Variants in PDZRN3 observed in about 807,000 individuals in gnomAD.
The protein encoded by PDZRN3 is PDZ domain containing ring finger 3.
Under a neutral mutation model 85.7 loss-of-function variants are expected in PDZRN3, and 38 were observed. The observed-to-expected ratio is 0.44, with a 90% CI of 0.34 to 0.58. The LOEUF is 0.58. PDZRN3 is among the 20% of genes least tolerant of loss of function. The probability of loss-of-function intolerance (pLI) is 0.01; values close to 1 mark genes in which losing one functional copy is unlikely to be tolerated. For missense variants in PDZRN3, 1,629 were observed against 1,506.4 expected (o/e 1.08, Z -1.35); for synonymous variants, 759 against 638.0 (o/e 1.19, Z -2.86).
chr3:73,525,602 G>A (rs1016128605), intron 3 of PDZRN3, among the ~76,000 whole-genome samples: 2 of 152,198 alleles, frequency 1.3e-5, no homozygotes, highest in Non-Finnish European at 2.9e-5. Flanking sequence ...TTGGGAATAC[G>A]TTTTAAGCTC....
At chr3:73,421,272 C>T (rs775093109) in intron 3 of PDZRN3, among the ~76,000 whole-genome samples, 2 of 152,156 alleles carry the variant, frequency 1.3e-5, no homozygotes, top group African/African-American at 4.8e-5. Context: ...GCTCATATTC[C>T]TGAGCTTCAG....
At chr3:73,561,359 G>T (rs1701810706) in intron 3 of PDZRN3, 1 of 152,178 alleles carries the variant, frequency 6.6e-6, no homozygotes, top group African/African-American at 2.4e-5. Context: ...TGTGACCAGG[G>T]CAAGCTGCAT....
At chr3:73,491,727 C>G (rs894501491) in intron 3 of PDZRN3, among the ~76,000 whole-genome samples, 1 of 151,782 alleles carries the variant, frequency 6.6e-6, no homozygotes, top group African/African-American at 2.4e-5. Flanking sequence ...TACAGAGTAG[C>G]TGAGACTACA....
intron 7 of PDZRN3, 120 bp downstream of exon 7, chr3:73,389,696 G>A (rs567781394): frequency 4.1e-6 from 3 of 740,036 alleles, no homozygotes; most frequent in African/African-American, 1.7e-5. Flanking sequence ...CTACACATCT[G>A]CGTTTGTGAT....
chr3:73,404,959 G>T (rs1701824601), intron 3 of PDZRN3, among the ~76,000 whole-genome samples: 2 of 152,224 alleles, frequency 1.3e-5, no homozygotes, highest in Admixed American at 1.3e-4. Flanking sequence ...CAGCGTTTGG[G>T]GGAAGTGACC....
intron 3 of PDZRN3, among the ~76,000 whole-genome samples, chr3:73,587,017 T>C (rs1012342568): frequency 6.6e-6 from 1 of 152,242 alleles, no homozygotes; most frequent in Non-Finnish European, 1.5e-5. Context: ...CCATTGTTTT[T>C]GCAACAGGTT....
chr3:73,605,983 G>A (rs561342390), intron 2 of PDZRN3, among the ~76,000 whole-genome samples: 3 of 152,356 alleles, frequency 2.0e-5, no homozygotes, highest in Admixed American at 2.0e-4. Flanking sequence ...GGGAAGAACT[G>A]TATTCCAGTG....
intron 2 of PDZRN3, among the ~76,000 whole-genome samples, chr3:73,604,962 T>C (rs1337706836): frequency 1.3e-5 from 2 of 152,298 alleles, no homozygotes; most frequent in African/African-American, 4.8e-5. Context: ...AGCTCACACC[T>C]GCAATCCCAG....
intron 3 of PDZRN3, among the ~76,000 whole-genome samples, chr3:73,442,698 T>TA (rs980791010): frequency 0.033 from 3 of 90 alleles, no homozygotes; most frequent in African/African-American, 0.065. Context: ...AATGTGTGGA[T>TA]TTTTTTTTTT....
At chr3:73,542,520 T>C (rs1701301824) in intron 3 of PDZRN3, among the ~76,000 whole-genome samples, 2 of 152,284 alleles carry the variant, frequency 1.3e-5, no homozygotes, top group South Asian at 2.1e-4. Context: ...ATATCTATAA[T>C]ACCAGCACTT....
intron 3 of PDZRN3, among the ~76,000 whole-genome samples, chr3:73,420,235 C>T (rs1469939377): frequency 3.9e-5 from 6 of 152,334 alleles, no homozygotes; most frequent in Middle Eastern, 3.4e-3. Context: ...GCCTGGCCAT[C>T]GTAACTGGGT....
chr3:73,561,184 C>T (rs1052699785), intron 3 of PDZRN3, among the ~76,000 whole-genome samples: 1 of 152,176 alleles, frequency 6.6e-6, no homozygotes, highest in African/African-American at 2.4e-5. Flanking sequence ...ATTTAAAATC[C>T]TAGAGCTGCA....
At chr3:73,566,293 G>A (rs1424516848) in intron 3 of PDZRN3, among the ~76,000 whole-genome samples, 2 of 152,148 alleles carry the variant, frequency 1.3e-5, no homozygotes, top group African/African-American at 4.8e-5. Flanking sequence ...AGGCTCACAA[G>A]TCTTTAGATT....
chr3:73,588,175 C>T (rs995723604), intron 3 of PDZRN3, among the ~76,000 whole-genome samples: 7 of 152,186 alleles, frequency 4.6e-5, no homozygotes, highest in East Asian at 3.9e-4. Context: ...TGAGTGAGAA[C>T]GTGCAGTATT....
chr3:73,421,838 G>A (rs952571828), intron 3 of PDZRN3, among the ~76,000 whole-genome samples: 7 of 152,028 alleles, frequency 4.6e-5, no homozygotes, highest in Non-Finnish European at 7.4e-5. Flanking sequence ...TAATAGAAAC[G>A]GGGTTTCACC....
chr3:73,403,091 C>T (rs1455497967), intron 4 of PDZRN3, among the ~76,000 whole-genome samples: 1 of 152,076 alleles, frequency 6.6e-6, no homozygotes, highest in African/African-American at 2.4e-5. Flanking sequence ...CTACAGGTGA[C>T]CGCCACCACA....
chr3:73,620,001 C>T (rs1018288004), intron 1 of PDZRN3, among the ~76,000 whole-genome samples: 1 of 152,216 alleles, frequency 6.6e-6, no homozygotes, highest in African/African-American at 2.4e-5. Flanking sequence ...GAAAGCGCTA[C>T]TAGCCTCTAG....
chr3:73,439,699 G>C (rs539072251), intron 3 of PDZRN3, among the ~76,000 whole-genome samples: 2 of 152,052 alleles, frequency 1.3e-5, no homozygotes, highest in Non-Finnish European at 2.9e-5. Flanking sequence ...GAAAAGCTAT[G>C]TAAGCTCAGA....
intron 3 of PDZRN3, among the ~76,000 whole-genome samples, chr3:73,514,362 T>C (rs1704220345): frequency 6.6e-6 from 1 of 152,186 alleles, no homozygotes; most frequent in African/African-American, 2.4e-5. Context: ...TCTGTGCATG[T>C]GTGTAACAAT....
Sources: gnomAD v4.1 joint callset for allele counts (sites outside exome capture counted in the v4.1 genomes callset) on GRCh38, gnomAD v4.1.1 for gene constraint, MANE v1.5 for transcripts, NCBI Gene and HGNC (gene_info 2026-07-23, HGNC 2026-07-21) for gene names.